The following TMT1A variants were observed in gnomAD, a reference collection of about 807,000 sequenced individuals.
TMT1A encodes the protein thiol S-methyltransferase TMT1A.
At chr12:50,928,252 G>A in the TMT1A span, among the ~76,000 whole-genome samples, 2 of 152,158 alleles carry the variant, frequency 1.3e-5, no homozygotes, top group African/African-American at 2.4e-5. Flanking sequence ...TACCACTGGG[G>A]TTCCTTTCTT....
At chr12:50,925,190 T>C in the TMT1A span, 2 of 1,614,066 alleles carry the variant, frequency 1.2e-6, no homozygotes, top group Admixed American at 3.3e-5. Context: ...AACGAACAGA[T>C]GGCAAGCAAG....
the TMT1A span, chr12:50,930,175 A>C: frequency 6.5e-7 from 1 of 1,528,220 alleles, no homozygotes; most frequent in Non-Finnish European, 8.9e-7. Flanking sequence ...TAAGAGCTGA[A>C]TGGCTCAAAG....
the TMT1A span, among the ~76,000 whole-genome samples, chr12:50,926,690 T>C: frequency 6.6e-6 from 1 of 152,214 alleles, no homozygotes; most frequent in Non-Finnish European, 1.5e-5. Flanking sequence ...CACAGAATGT[T>C]AGGTAGAGCG....
chr12:50,925,037 C>T, the TMT1A span: 1 of 1,613,500 alleles, frequency 6.2e-7, no homozygotes, highest in Non-Finnish European at 8.5e-7. Flanking sequence ...CCCTTCTGAG[C>T]AATGGAGCTT....
chr12:50,928,117 G>A, the TMT1A span, among the ~76,000 whole-genome samples: 5 of 152,158 alleles, frequency 3.3e-5, no homozygotes, highest in African/African-American at 4.8e-5. Flanking sequence ...GAGCCACCGC[G>A]CCCAGCCAAA....
the TMT1A span, among the ~76,000 whole-genome samples, chr12:50,928,654 C>T: frequency 6.6e-6 from 1 of 152,180 alleles, no homozygotes; most frequent in Admixed American, 6.5e-5. Context: ...TACTGTCTGC[C>T]TAAAGCAAGC....
the TMT1A span, among the ~76,000 whole-genome samples, chr12:50,926,095 A>G: frequency 6.6e-6 from 1 of 151,858 alleles, no homozygotes; most frequent in Admixed American, 6.6e-5. Context: ...AAGTTAAACT[A>G]CAAAACAAGC....
chr12:50,930,382 C>A, the TMT1A span: 1 of 334,300 alleles, frequency 3.0e-6, no homozygotes, highest in Non-Finnish European at 5.3e-6. Flanking sequence ...CGGGTTTAAG[C>A]GATTCTTCTG....
the TMT1A span, among the ~76,000 whole-genome samples, chr12:50,925,970 T>C: frequency 2.6e-4 from 33 of 124,650 alleles, no homozygotes; most frequent in East Asian, 7.5e-3. Context: ...TGAGCCAAGA[T>C]TGCACCACAG....
At chr12:50,925,339 C>T in the TMT1A span, 4 of 1,614,078 alleles carry the variant, frequency 2.5e-6, no homozygotes, top group Non-Finnish European at 3.4e-6. Context: ...TGACCCCAAC[C>T]CCAACTTTGA....
At chr12:50,925,535 C>T in the TMT1A span, 11 of 1,611,712 alleles carry the variant, frequency 6.8e-6, no homozygotes, top group Non-Finnish European at 9.3e-6. Context: ...GTGCTGAGAC[C>T]GGTGAGTGAA....
the TMT1A span, among the ~76,000 whole-genome samples, chr12:50,926,016 CAA>C: frequency 5.0e-4 from 13 of 26,074 alleles, no homozygotes; most frequent in African/African-American, 1.7e-3. Context: ...AACTCCATCT[CAA>C]AAAAAAAAAA....
At chr12:50,926,016 C>CAA in the TMT1A span, among the ~76,000 whole-genome samples, 611 of 25,926 alleles carry the variant, frequency 0.024, 63 homozygotes, top group African/African-American at 0.053. Context: ...AACTCCATCT[C>CAA]AAAAAAAAAA....
the TMT1A span, among the ~76,000 whole-genome samples, chr12:50,926,283 T>G: frequency 6.6e-6 from 1 of 151,632 alleles, no homozygotes; most frequent in Non-Finnish European, 1.5e-5. Context: ...ACTTAAAGAG[T>G]TAATTAAAGG....
chr12:50,928,724 C>T, the TMT1A span, among the ~76,000 whole-genome samples: 8 of 152,274 alleles, frequency 5.3e-5, no homozygotes, highest in African/African-American at 1.9e-4. Flanking sequence ...ATCTCATATA[C>T]CTCCACAGTT....
At chr12:50,930,615 C>G in the TMT1A span, 2 of 153,438 alleles carry the variant, frequency 1.3e-5, no homozygotes, top group African/African-American at 4.8e-5. Context: ...GGAGTTTTCG[C>G]TCTTGTTGCC....
the TMT1A span, among the ~76,000 whole-genome samples, chr12:50,926,536 A>G: frequency 6.6e-6 from 1 of 152,272 alleles, no homozygotes; most frequent in Non-Finnish European, 1.5e-5. Context: ...TGAAATGTCT[A>G]TCAATAGGAT....
the TMT1A span, among the ~76,000 whole-genome samples, chr12:50,927,728 A>G: frequency 3.0e-4 from 46 of 152,372 alleles, no homozygotes; most frequent in Non-Finnish European, 5.4e-4. Flanking sequence ...TCTAAAGTAC[A>G]TATCTTCATG....
chr12:50,928,468 T>TG, the TMT1A span, among the ~76,000 whole-genome samples: 4 of 152,218 alleles, frequency 2.6e-5, no homozygotes, highest in Admixed American at 2.6e-4. Context: ...CTGGATTCCC[T>TG]GTTTGTAAAG....
Sources: gnomAD v4.1 joint callset for allele counts (sites outside exome capture counted in the v4.1 genomes callset) on GRCh38, gnomAD v4.1.1 for gene constraint, MANE v1.5 for transcripts, NCBI Gene and HGNC (gene_info 2026-07-23, HGNC 2026-07-21) for gene names.